Variants in RAB7A observed in about 807,000 individuals in gnomAD.
The protein encoded by RAB7A is RAB7A, member RAS oncogene family.
In RAB7A, 2 loss-of-function variants were observed where a neutral mutation model predicts 24.5. That is an observed-to-expected ratio of 0.08 (90% confidence interval 0.03 to 0.26). The LOEUF is 0.26. Among genes scored for constraint, RAB7A ranks in the 10% least tolerant of loss-of-function variants. The pLI is 1.00. For missense variants in RAB7A, 118 were observed against 255.7 expected, an observed-to-expected ratio of 0.46 and a Z score of 3.67; for synonymous variants, 100 against 95.9, an observed-to-expected ratio of 1.04 and a Z score of -0.25.
intron 1 of RAB7A, among the ~76,000 whole-genome samples, chr3:128,752,915 T>G (rs1018928509): frequency 6.6e-6 from 1 of 152,160 alleles, no homozygotes; most frequent in Admixed American, 6.6e-5. Context: ...ATTCAATACC[T>G]TTTTCTGAAT....
At chr3:128,732,280 C>T (rs955992001) in intron 1 of RAB7A, among the ~76,000 whole-genome samples, 5 of 151,732 alleles carry the variant, frequency 3.3e-5, no homozygotes, top group African/African-American at 7.3e-5. Flanking sequence ...CCCTGTGATC[C>T]GCCCGCCTTG....
chr3:128,744,111 A>G (rs375014276), intron 1 of RAB7A, among the ~76,000 whole-genome samples: 4 of 151,968 alleles, frequency 2.6e-5, no homozygotes, highest in East Asian at 1.9e-4. Flanking sequence ...TTAAAAAAAA[A>G]AAAAAATTGG....
At chr3:128,744,345 A>G (rs1057328630) in intron 1 of RAB7A, among the ~76,000 whole-genome samples, 2 of 152,252 alleles carry the variant, frequency 1.3e-5, no homozygotes, top group Admixed American at 6.5e-5. Context: ...GGGTTCACCA[A>G]TAGATTTGGG....
chr3:128,731,693 C>T (rs906996066), intron 1 of RAB7A, among the ~76,000 whole-genome samples: 29 of 152,052 alleles, frequency 1.9e-4, no homozygotes, highest in African/African-American at 6.5e-4. Context: ...CTAAAGACCA[C>T]GACATTTCAC....
At chr3:128,782,357 A>G (rs1173900252) in intron 1 of RAB7A, among the ~76,000 whole-genome samples, 3 of 152,032 alleles carry the variant, frequency 2.0e-5, no homozygotes, top group Non-Finnish European at 2.9e-5. Flanking sequence ...GTTCTCCCTC[A>G]TGGTCCATCC....
intron 1 of RAB7A, among the ~76,000 whole-genome samples, chr3:128,737,173 G>A (rs1164295654): frequency 6.6e-6 from 1 of 151,240 alleles, no homozygotes; most frequent in Non-Finnish European, 1.5e-5. Context: ...GAGTAGCTAG[G>A]ACTACAGGCG....
chr3:128,726,200 C>G lies in RAB7A; in HGVS notation c.-168C>G, dbSNP rs1274320393. 2 of 154,330 alleles carry G rather than the reference C, an allele frequency of 1.3e-5. No homozygotes were observed. Among genetic ancestry groups the G allele is most frequent in the Non-Finnish European group, 2.9e-5 (2 of 69,190 alleles). 9.6% of individuals were successfully genotyped at this position (154,330 alleles called of 1,614,324 possible). On this transcript the variant is annotated 5_prime_UTR_variant, in exon 1 of 6. Transcript: ENST00000265062. ...GGGCCTGGAGTCTTGGCCATAAAGC[C>G]TGAGGCGGCGGCAGCGGCGGAGTTG... is the stretch of plus-strand genomic sequence containing the variant.
chr3:128,797,632 C>T (rs1469701691), intron 2 of RAB7A, among the ~76,000 whole-genome samples: 1 of 152,168 alleles, frequency 6.6e-6, no homozygotes, highest in African/African-American at 2.4e-5. Flanking sequence ...TTTTAGAAAG[C>T]AGTATATTTG....
chr3:128,804,066 A>C (rs1374915795), intron 3 of RAB7A, among the ~76,000 whole-genome samples: 1 of 152,166 alleles, frequency 6.6e-6, no homozygotes, highest in Non-Finnish European at 1.5e-5. Context: ...AAACCCCGAG[A>C]AACTGTTATC....
chr3:128,759,740 G>A (rs970226938), intron 1 of RAB7A, among the ~76,000 whole-genome samples: 8 of 151,300 alleles, frequency 5.3e-5, no homozygotes, highest in African/African-American at 1.7e-4. Flanking sequence ...ACGGAGTTTC[G>A]CTCTTGTTAC....
chr3:128,744,876 C>CTTTTTTTTTTTTTTTTTTTT (rs1242538121), intron 1 of RAB7A, among the ~76,000 whole-genome samples: 1 of 139,382 alleles, frequency 7.2e-6, no homozygotes, highest in Non-Finnish European at 1.6e-5. Context: ...TTTTCTTTTT[C>CTTTTTTTTTTTTTTTTTTTT]TTTTTTTTTT....
intron 1 of RAB7A, chr3:128,748,995 G>T (rs2070649118): frequency 6.6e-6 from 1 of 152,186 alleles, no homozygotes; most frequent in African/African-American, 2.4e-5. Context: ...GCATAAGGGG[G>T]ACTCCCACAA....
At chr3:128,748,460 T>C (rs1387680270) in intron 1 of RAB7A, 1 of 152,256 alleles carries the variant, frequency 6.6e-6, no homozygotes, top group South Asian at 2.1e-4. Context: ...GAATATACTT[T>C]GGGGAATGGG....
At chr3:128,763,334 C>T (rs1214431581) in intron 1 of RAB7A, among the ~76,000 whole-genome samples, 3 of 150,728 alleles carry the variant, frequency 2.0e-5, no homozygotes, top group African/African-American at 7.3e-5. Context: ...GCTGCCTCAG[C>T]CTCCCGAGTA....
At chr3:128,762,726 A>G (rs1360580518) in intron 1 of RAB7A, among the ~76,000 whole-genome samples, 1 of 152,232 alleles carries the variant, frequency 6.6e-6, no homozygotes, top group African/African-American at 2.4e-5. Flanking sequence ...GAATCTGTTT[A>G]GCTAGATTAG....
chr3:128,760,411 C>G (rs1433751773), intron 1 of RAB7A, among the ~76,000 whole-genome samples: 1 of 152,174 alleles, frequency 6.6e-6, no homozygotes, highest in Non-Finnish European at 1.5e-5. Context: ...TTCTGTTTAT[C>G]TCTGGAGAGC....
intron 1 of RAB7A, among the ~76,000 whole-genome samples, chr3:128,789,736 T>G (rs1472496582): frequency 1.1e-4 from 16 of 151,988 alleles, no homozygotes; most frequent in Non-Finnish European, 1.5e-5. Flanking sequence ...TGAAGCTAAC[T>G]CTGCTTGGGC....
At chr3:128,800,400 G>A (rs1314891873) in intron 3 of RAB7A, among the ~76,000 whole-genome samples, 1 of 152,178 alleles carries the variant, frequency 6.6e-6, no homozygotes, top group Non-Finnish European at 1.5e-5. Context: ...AGCGAATTCA[G>A]AAATCAGAGT....
intron 1 of RAB7A, among the ~76,000 whole-genome samples, chr3:128,789,445 C>T (rs1559793230): frequency 6.6e-6 from 1 of 151,572 alleles, no homozygotes; most frequent in African/African-American, 2.4e-5. Context: ...AAGTGATTCT[C>T]CTGCCTCAGC....
Sources: allele counts gnomAD v4.1 joint callset (sites outside exome capture counted in the v4.1 genomes callset), GRCh38; gene constraint gnomAD v4.1.1; transcripts MANE v1.5; gene names NCBI Gene and HGNC (gene_info 2026-07-23, HGNC 2026-07-21).